Variants in IGSF9B observed in about 807,000 individuals in gnomAD.
IGSF9B encodes the protein immunoglobulin superfamily member 9B, also known as protein turtle homolog B.
Under a neutral mutation model 143.7 loss-of-function variants are expected in IGSF9B, and 48 were observed. The ratio of observed to expected loss-of-function variants is 0.33; its 90% CI spans 0.26 to 0.42. IGSF9B has a LOEUF of 0.42. Among genes scored for constraint, IGSF9B ranks in the 20% least tolerant of loss-of-function variants. The pLI is 1.00. For synonymous variants in IGSF9B, 903 were observed against 833.1 expected, an observed-to-expected ratio of 1.08 and a Z score of -1.44; for missense variants, 1,706 against 1,980.0, an observed-to-expected ratio of 0.86 and a Z score of 2.63.
At chr11:133,952,060 G>A (rs767687735) in intron 1 of IGSF9B, 4 of 455,726 alleles carry the variant, frequency 8.8e-6, no homozygotes, top group South Asian at 6.2e-5. Context: ...TCTCAGAAAG[G>A]ACAGTCAGGC....
rs939507300 is a variant in IGSF9B, at chr11:133,905,715, C to T, written c.*3354G>A. Among the ~76,000 whole-genome samples the T allele has an allele frequency of 9.2e-5, 14 of 152,198 alleles. No homozygotes were observed. The highest frequency in any genetic ancestry group is 3.4e-4 in the African/African-American group (14 of 41,446). The stretch of plus-strand genomic sequence containing the variant: ...GTAGGATCTCAAAAGGCCTGTCCTA[C>T]CCCCAGTCTCTCCAGGGAAGCTGCT... On this transcript the variant is annotated 3_prime_UTR_variant, in exon 20 of 20. Transcript: ENST00000533871. This position sits in a 1 kb window ranked among gnomAD's most constrained non-coding sequence, Gnocchi z 4.0.
Position 133,908,900 on chromosome 11 carries a change from A to T in IGSF9B, c.*169T>A. On this transcript the variant is annotated 3_prime_UTR_variant, in exon 20 of 20. Coordinates refer to ENST00000533871, the MANE Select transcript of IGSF9B (RefSeq NM_001277285.4). Reference sequence around the variant, plus strand: ...GGTGTGCCCACCCTCCGTCCTGAAGACAGGCGGCCAGGATCTGGAGGGAGA... The same window carrying T: ...GGTGTGCCCACCCTCCGTCCTGAAGTCAGGCGGCCAGGATCTGGAGGGAGA... 2 of 619,836 alleles carry T rather than the reference A, an allele frequency of 3.2e-6. No homozygotes were observed. The highest frequency in any genetic ancestry group is 5.5e-5 in the East Asian group (2 of 36,144). The allele number at this position is 619,836 out of a possible 1,614,324, so 38.4% of individuals were successfully genotyped here. A position where few individuals can be genotyped will look rare whatever the true frequency, so the allele number is the denominator to read the frequency against.
Position 133,901,179 on chromosome 11 carries a change from AG to A in IGSF9B, c.*7889del, listed in dbSNP as rs1415873693. On this transcript the variant is annotated 3_prime_UTR_variant, in exon 20 of 20. Transcript: ENST00000533871. ...CCTTCAGCTCACTTGTCCTTCCTGC[AG>A]GTGGGTTATTTGTTTTGTTATTTTA... 1.3e-5 allele frequency: 2 copies of A among 152,122 alleles called. No individual in the cohort carries two copies. The highest frequency in any genetic ancestry group is 2.9e-5 in the Non-Finnish European group (2 of 68,020). The allele number at this position is 152,122 out of a possible 1,614,324, so 9.4% of individuals were successfully genotyped here. A position where few individuals can be genotyped will look rare whatever the true frequency, so the allele number is the denominator to read the frequency against.
In IGSF9B at chr11:133,920,752, G is replaced by A; in HGVS notation, c.2973C>T (p.Pro991=). The change falls in exon 18 of 20, where the codon CCC becomes CCT. Residue 991 remains proline, a synonymous_variant. Transcript: ENST00000533871. ...GCGGGGACGACATGACGGAGCTCAG[G>A]GGGCTGCCCACTTCTGGCACGTAGA... The part of the protein sequence containing the change: ...PPFYVPEVGS[P]LSSVMSSPPL... 1 of 1,612,844 alleles carries A rather than the reference G, an allele frequency of 6.2e-7. No individual in the cohort carries two copies. The highest frequency in any genetic ancestry group is 8.5e-7 in the Non-Finnish European group (1 of 1,179,566).
chr11:133,936,014 G>A (rs1340102448), intron 6 of IGSF9B, 39 bp downstream of exon 6: 2 of 1,605,772 alleles, frequency 1.2e-6, no homozygotes, highest in Non-Finnish European at 1.7e-6. Flanking sequence ...TGGGGGCTGG[G>A]GTGGCAACCT....
At chr11:133,929,598 T>C (rs1939687123) in intron 12 of IGSF9B, 73 bp downstream of exon 12, 2 of 1,115,258 alleles carry the variant, frequency 1.8e-6, no homozygotes, top group African/African-American at 1.5e-5. Flanking sequence ...CCACCCGGGG[T>C]AGCCTGCAGG....
At position 133,937,435 on chromosome 11, in the gene IGSF9B, G is replaced by T. The variant is rs764502320; in HGVS notation, c.620C>A (p.Thr207Asn). 6 of 1,613,846 alleles carry T rather than the reference G, an allele frequency of 3.7e-6. No individual in the cohort carries two copies. Among genetic ancestry groups the T allele is most frequent in the African/African-American group, 1.3e-5 (1 of 75,056 alleles). The change falls in exon 5 of 20, where the codon ACC (threonine) becomes AAC (asparagine). Residue 207 changes from threonine (T) to asparagine (N), a missense_variant. By Grantham distance (65) the Thr-to-Asn change is moderately conservative. Transcript: ENST00000533871. ...CCCCTGAATGCTGTACGCTCGGCAG[G>T]TGTAGGCACCTCTGTCCTCCCGACT... ...SVSREDRGAY[T>N]CRAYSIQGEA...
chr11:133,943,816 A>C (rs901394498), intron 3 of IGSF9B, among the ~76,000 whole-genome samples: 18 of 152,296 alleles, frequency 1.2e-4, no homozygotes, highest in African/African-American at 3.6e-4. Flanking sequence ...TCTAAAAAGA[A>C]AGACTAACTC....
rs370647370 is a variant in IGSF9B, at chr11:133,946,256, C to A, written c.67G>T (p.Ala23Ser). ...IGTRGLAAEG[A>S]HGLREEPEFV... ...TCGGGCTCCTCTCGCAGGCCGTGGG[C>A]GCCTGATGGGGACGGCCAGGTTGGA... The change falls in exon 2 of 20, where the codon GCC becomes TCC. Residue 23 changes from alanine to serine, a missense_variant and splice_region_variant. Ala to Ser is a moderately conservative substitution (Grantham distance 99). Coordinates refer to ENST00000533871, the MANE Select transcript of IGSF9B (RefSeq NM_001277285.4). 2 of 1,612,820 alleles carry A rather than the reference C, an allele frequency of 1.2e-6. No homozygotes were observed. The highest frequency in any genetic ancestry group is 3.3e-5 in the Admixed American group (2 of 59,906).
At position 133,919,806 on chromosome 11, in the gene IGSF9B, G is replaced by A. The variant is rs968954894; in HGVS notation, c.3919C>T (p.Pro1307Ser). The stretch of plus-strand genomic sequence containing the variant: ...AGCAATTCCTCCCCCGTCCTTCGAG[G>A]GGAAGGCGTCTGTCCAAACACGTCC... Reference protein sequence around the residue: ...SLDVFGQTPSPRRTGEELLRP... With the variant: ...SLDVFGQTPSSRRTGEELLRP... The change falls in exon 18 of 20, where the codon CCT becomes TCT. Residue 1307 changes from proline (P) to serine (S), a missense_variant. Physicochemically the swap from Pro to Ser is moderately conservative, Grantham distance 74. Coordinates refer to ENST00000533871, the MANE Select transcript of IGSF9B (RefSeq NM_001277285.4). 2 of 1,517,142 alleles carry A rather than the reference G, an allele frequency of 1.3e-6. No individual in the cohort carries two copies. Among genetic ancestry groups the A allele is most frequent in the Non-Finnish European group, 1.8e-6 (2 of 1,131,154 alleles). 94.0% of individuals were successfully genotyped at this position (1,517,142 alleles called of 1,614,324 possible). A position where few individuals can be genotyped will look rare whatever the true frequency, so the allele number is the denominator to read the frequency against.
At position 133,953,431 on chromosome 11, in the gene IGSF9B, C is replaced by T. The variant is rs1006668536; in HGVS notation, c.64+3260G>A. On this transcript the variant is annotated intron_variant, in intron 1 of 19. Coordinates refer to ENST00000533871, the MANE Select transcript of IGSF9B (RefSeq NM_001277285.4). The surrounding 1 kb of genome is among the most constrained non-coding windows in gnomAD (Gnocchi z 4.2). Reference sequence around the variant, plus strand: ...TGTGTGTGCTGAGGATACACACACACATCCATCCAGCCACTGACCACTTCC... The same window carrying T: ...TGTGTGTGCTGAGGATACACACACATATCCATCCAGCCACTGACCACTTCC... 6.6e-6 allele frequency among the ~76,000 whole-genome samples: 1 copy of T among 152,190 alleles called. No homozygotes were observed. Among genetic ancestry groups the T allele is most frequent in the Non-Finnish European group, 1.5e-5 (1 of 68,032 alleles).
chr11:133,929,616 G>C, intron 12 of IGSF9B, 55 bp downstream of exon 12: 1 of 1,318,098 alleles, frequency 7.6e-7, no homozygotes, highest in East Asian at 2.3e-5. Context: ...AGGAAGACCG[G>C]GGAGGGGAGA....
At chr11:133,944,673 C>A (rs1448165479) in intron 2 of IGSF9B, among the ~76,000 whole-genome samples, 1 of 152,166 alleles carries the variant, frequency 6.6e-6, no homozygotes, top group African/African-American at 2.4e-5. Flanking sequence ...TTGGAGGTCT[C>A]CTGAGACAAA....
In IGSF9B at chr11:133,896,502, G is replaced by A. The variant is rs1287572007; in HGVS notation, c.*12567C>T. The A allele has an allele frequency of 6.6e-6, 1 of 152,216 alleles. No individual in the cohort carries two copies. Among genetic ancestry groups the A allele is most frequent in the Admixed American group, 6.5e-5 (1 of 15,282 alleles). The allele number at this position is 152,216 out of a possible 1,614,324, so 9.4% of individuals were successfully genotyped here. ...TTTCTGAAGCAGAGTAATGTTACAT[G>A]AGGAGCAATTAAATACTAAACGTCT... On this transcript the variant is annotated 3_prime_UTR_variant, in exon 20 of 20. Coordinates refer to ENST00000533871, the MANE Select transcript of IGSF9B (RefSeq NM_001277285.4).
At chr11:133,949,211 A>G (rs1041518483) in intron 1 of IGSF9B, among the ~76,000 whole-genome samples, 2 of 152,212 alleles carry the variant, frequency 1.3e-5, no homozygotes. Flanking sequence ...CTTCCCCAGA[A>G]TAAAGCAGTG....
chr11:133,928,547 C>T lies in IGSF9B; in HGVS notation c.1631+1124G>A, dbSNP rs185838181. Among the ~76,000 whole-genome samples, 595 of 152,278 alleles carry T rather than the reference C, an allele frequency of 3.9e-3. No homozygotes were observed. The highest frequency in any genetic ancestry group is 6.6e-3 in the Non-Finnish European group (449 of 68,018). ...TTCCCCCTCCCCTCGAGCTCCCCCT[C>T]CTCGAGTTGAGCCTGGCTAGAGAGA... On this transcript the variant is annotated intron_variant, in intron 12 of 19. Coordinates refer to ENST00000533871, the MANE Select transcript of IGSF9B (RefSeq NM_001277285.4). The surrounding 1 kb of genome is among the most constrained non-coding windows in gnomAD (Gnocchi z 4.7).
At chr11:133,918,448 C>A (rs1939435438) in intron 18 of IGSF9B, among the ~76,000 whole-genome samples, 1 of 152,008 alleles carries the variant, frequency 6.6e-6, no homozygotes, top group African/African-American at 2.4e-5. Flanking sequence ...GAGACGGAGA[C>A]CCAGACACGA....
chr11:133,909,537 C>A lies in IGSF9B; in HGVS notation c.4106-260G>T, dbSNP rs1386837516. ...AATGGAGAGGATTTTCCTTCTCATTCATTTCTTTCTCGATCAGTCTACAAA... is the reference window on the plus strand; with the variant it reads ...AATGGAGAGGATTTTCCTTCTCATTAATTTCTTTCTCGATCAGTCTACAAA... On this transcript the variant is annotated intron_variant, in intron 19 of 19. Coordinates refer to ENST00000533871, the MANE Select transcript of IGSF9B (RefSeq NM_001277285.4). The surrounding 1 kb of genome is among the most constrained non-coding windows in gnomAD (Gnocchi z 4.2). Among the ~76,000 whole-genome samples, 1 of 152,184 alleles carries A rather than the reference C, an allele frequency of 6.6e-6. No individual in the cohort carries two copies. The highest frequency in any genetic ancestry group is 1.9e-4 in the East Asian group (1 of 5,202).
In IGSF9B at chr11:133,927,045, C is replaced by T. The variant is rs1232478466; in HGVS notation, c.1678G>A (p.Val560Met). Residue 560 changes from valine to methionine, a missense_variant, in exon 13 of 20, where the codon GTG becomes ATG. By Grantham distance (21) the Val-to-Met change is conservative. Coordinates refer to ENST00000533871, the MANE Select transcript of IGSF9B (RefSeq NM_001277285.4). ...AGCAGCCAGCTGGGTCCTGGCGGCA[C>T]TGGCAAGGACAGCCAGTCATGGGGC... The part of the protein sequence containing the change: ...FGPHDWLSLP[V>M]PPGPSWLLVD... 1.3e-6 allele frequency: 2 copies of T among 1,563,424 alleles called. No homozygotes were observed. The highest frequency in any genetic ancestry group is 1.7e-6 in the Non-Finnish European group (2 of 1,154,046).
Sources: gnomAD v4.1 joint callset for allele counts (sites outside exome capture counted in the v4.1 genomes callset) on GRCh38, gnomAD v4.1.1 for gene constraint, Gnocchi (gnomAD v3.1) non-coding constraint, MANE v1.5 for transcripts, NCBI Gene and HGNC (gene_info 2026-07-23, HGNC 2026-07-21) for gene names.